The following NEMF variants were observed in gnomAD, a reference collection of about 807,000 sequenced individuals.
The protein encoded by NEMF is nuclear export mediator factor.
A neutral mutation model predicts 162.2 loss-of-function variants in NEMF; 89 were observed. The ratio of observed to expected loss-of-function variants is 0.55; its 90% CI spans 0.46 to 0.65. The LOEUF (loss-of-function observed/expected upper bound fraction) is 0.65, where lower values mean the gene tolerates loss of function less well. NEMF is among the 30% of genes least tolerant of loss of function. NEMF has a pLI of 0.00. For missense variants in NEMF, 1,133 were observed against 1,261.9 expected (o/e 0.90, Z 1.55); for synonymous variants, 421 against 404.5 (o/e 1.04, Z -0.49).
At chr14:49,836,294 T>G (rs1371381904) in intron 6 of NEMF, among the ~76,000 whole-genome samples, 1 of 152,050 alleles carries the variant, frequency 6.6e-6, no homozygotes, top group Non-Finnish European at 1.5e-5. Context: ...AGTAATAATG[T>G]AATCCTTATC....
rs999600723 is a variant in NEMF at position 49,782,221 on chromosome 14, C to A, written c.*2415G>T. The A allele has an allele frequency of 1.8e-6, 1 of 545,064 alleles. No individual in the cohort carries two copies. The highest frequency in any genetic ancestry group is 3.6e-5 in the Admixed American group (1 of 27,886). 33.8% of individuals were successfully genotyped at this position (545,064 alleles called of 1,614,324 possible). On this transcript the variant is annotated 3_prime_UTR_variant, in exon 33 of 33. Transcript: ENST00000298310. ...GATATTGATTGATCTGCTTTTGCTA[C>A]TTTCCCTTAAGATTTTACTTCTCGC...
intron 20 of NEMF, among the ~76,000 whole-genome samples, chr14:49,802,934 T>C (rs1352157339): frequency 1.3e-5 from 2 of 152,220 alleles, no homozygotes; most frequent in Admixed American, 6.5e-5. Flanking sequence ...ACACTTGCTC[T>C]GATATTCTGG....
intron 24 of NEMF, 32 bp downstream of exon 24, chr14:49,799,604 G>A (rs751914554): frequency 3.7e-6 from 6 of 1,600,094 alleles, no homozygotes; most frequent in East Asian, 2.2e-5. Context: ...ACTGAGAATC[G>A]GATGTTCTTC....
chr14:49,836,595 G>A (rs1291142744), intron 6 of NEMF, among the ~76,000 whole-genome samples: 1 of 151,976 alleles, frequency 6.6e-6, no homozygotes, highest in East Asian at 1.9e-4. Context: ...GCAGTGAGCA[G>A]TGTTCGTGGC....
chr14:49,828,992 T>C (rs1892506335), intron 13 of NEMF, 62 bp downstream of exon 13: 1 of 1,484,400 alleles, frequency 6.7e-7, no homozygotes, highest in South Asian at 1.2e-5. Flanking sequence ...TTTAATACAG[T>C]GAACAATTAA....
chr14:49,826,809 G>A lies in NEMF; in HGVS notation c.1489-854C>T, dbSNP rs545288381. 2.0e-5 allele frequency among the ~76,000 whole-genome samples: 3 copies of A among 152,268 alleles called. No individual in the cohort carries two copies. The South Asian group carries it at 6.2e-4, about 32-fold the overall frequency. On this transcript the variant is annotated intron_variant, in intron 15 of 32. Transcript: ENST00000298310. ...ATAAACATATGTTGGGCTGGGGGGA[G>A]TGTTTTTCAAGAAGAAAATAAGGCA...
chr14:49,849,465 A>T (rs1368632332), intron 3 of NEMF, among the ~76,000 whole-genome samples: 2 of 152,256 alleles, frequency 1.3e-5, no homozygotes, highest in Non-Finnish European at 2.9e-5. Context: ...ACTGTGATTT[A>T]TCACATAATA....
chr14:49,840,780 A>C lies in NEMF; in HGVS notation c.444T>G (p.Ala148=). ...RTDEADDVKF[A]VRERYPLDHA... ...GATCAAGTGGATAGCGTTCACGAAC[A>C]GCAAATTTAACATCATCTGCCTCAT... The change falls in exon 5 of 33, where the codon GCT becomes GCG. Residue 148 remains alanine (A), a synonymous_variant. Coordinates refer to ENST00000298310, the MANE Select transcript of NEMF (RefSeq NM_004713.6). 1 of 1,614,128 alleles carries C rather than the reference A, an allele frequency of 6.2e-7. No individual in the cohort carries two copies. Among genetic ancestry groups the C allele is most frequent in the East Asian group, 2.2e-5 (1 of 44,882 alleles).
In NEMF at chr14:49,828,624, A is replaced by G. The variant is rs1468826951; in HGVS notation, c.1416T>C (p.Asn472=). 2 of 1,553,072 alleles carry G rather than the reference A, an allele frequency of 1.3e-6. No individual in the cohort carries two copies. The highest frequency in any genetic ancestry group is 4.6e-5 in the Admixed American group (2 of 43,588). Residue 472 remains asparagine (N), a synonymous_variant, in exon 14 of 33, where the codon AAT becomes AAC. Transcript: ENST00000298310. ...AAAGTTAAATGACTTACTTTTTGGC[A>G]TTGGCATATGCTGACAAGCTGAGAT... The part of the protein sequence containing the change: ...DVDLSLSAYA[N]AKKYYDHKRY...
intron 16 of NEMF, among the ~76,000 whole-genome samples, chr14:49,822,686 A>G (rs1892137979): frequency 6.6e-6 from 1 of 151,198 alleles, no homozygotes; most frequent in East Asian, 1.9e-4. Context: ...AAAAAAAAAA[A>G]AAAAAAAAAA....
chr14:49,843,684 A>C (rs1276140403), intron 4 of NEMF, among the ~76,000 whole-genome samples: 1 of 152,260 alleles, frequency 6.6e-6, no homozygotes, highest in African/African-American at 2.4e-5. Context: ...TATTGCTCCT[A>C]GGCTAGGAAT....
rs554239626 is a variant in NEMF, at chr14:49,834,661, T to C, written c.575-212A>G. On this transcript the variant is annotated intron_variant, in intron 6 of 32. Coordinates refer to ENST00000298310, the MANE Select transcript of NEMF (RefSeq NM_004713.6). ...CCATGCCCAGCTAATTTTTGTATTT[T>C]TAGTAGGGACAAGGTTTCACCATGT... 5.9e-5 allele frequency among the ~76,000 whole-genome samples: 9 copies of C among 152,154 alleles called. No homozygotes were observed. In the South Asian group the frequency reaches 6.2e-4, roughly 11 times the overall value.
At chr14:49,793,475 A>G (rs1236285412) in intron 26 of NEMF, among the ~76,000 whole-genome samples, 4 of 152,216 alleles carry the variant, frequency 2.6e-5, no homozygotes, top group Admixed American at 6.5e-5. Flanking sequence ...TTATAGTTTT[A>G]TAATTGCACA....
intron 4 of NEMF, among the ~76,000 whole-genome samples, chr14:49,843,845 T>G (rs973386511): frequency 1.3e-4 from 20 of 152,202 alleles, no homozygotes; most frequent in South Asian, 2.1e-4. Flanking sequence ...ATGCCTGTGA[T>G]CCCAGCATTT....
At chr14:49,789,972 A>G (rs919447409) in intron 26 of NEMF, among the ~76,000 whole-genome samples, 14 of 152,224 alleles carry the variant, frequency 9.2e-5, no homozygotes, top group Non-Finnish European at 1.9e-4. Context: ...CACTTATTCT[A>G]GAGGCTTTCA....
In NEMF at chr14:49,814,046, G is replaced by A; in HGVS notation, c.1686C>T (p.Asp562=). 1 of 1,526,280 alleles carries A rather than the reference G, an allele frequency of 6.6e-7. No individual in the cohort carries two copies. The highest frequency in any genetic ancestry group is 1.1e-5 in the South Asian group (1 of 89,258). 94.5% of individuals were successfully genotyped at this position (1,526,280 alleles called of 1,614,324 possible). A position where few individuals can be genotyped will look rare whatever the true frequency, so the allele number is the denominator to read the frequency against. The change falls in exon 18 of 33, where the codon GAC becomes GAT. Residue 562 remains aspartate (D), a synonymous_variant. Transcript: ENST00000298310. ...CATGAAGATCAGCATGTACATAAATGTCTCCTTAAATACAGACAAATAAAA... is the reference window on the plus strand; with the variant it reads ...CATGAAGATCAGCATGTACATAAATATCTCCTTAAATACAGACAAATAAAA... ...IIVKRYLTPG[D]IYVHADLHGA... is the part of the protein sequence containing the mutation.
intron 4 of NEMF, chr14:49,844,714 TACACACGC>T (rs759623112): frequency 1.8e-4 from 26 of 146,436 alleles, no homozygotes; most frequent in African/African-American, 6.7e-4. Context: ...TTTATATACA[TACACACGC>T]ACGCGCACGC....
chr14:49,836,464 C>A (rs892982373), intron 6 of NEMF, among the ~76,000 whole-genome samples: 19 of 152,014 alleles, frequency 1.2e-4, no homozygotes, highest in African/African-American at 4.6e-4. Flanking sequence ...CCAACCTGGA[C>A]AACATGGTAA....
At chr14:49,827,439 G>C (rs909000196) in intron 15 of NEMF, among the ~76,000 whole-genome samples, 1 of 151,910 alleles carries the variant, frequency 6.6e-6, no homozygotes, top group Admixed American at 6.6e-5. Flanking sequence ...CACCGGCCTC[G>C]GCCTTCCAAA....
Sources: gnomAD v4.1 joint callset for allele counts (sites outside exome capture counted in the v4.1 genomes callset) on GRCh38, gnomAD v4.1.1 for gene constraint, MANE v1.5 for transcripts, NCBI Gene and HGNC (gene_info 2026-07-23, HGNC 2026-07-21) for gene names.